The following ADAM19 variants were observed in gnomAD, a reference collection of about 807,000 sequenced individuals.
ADAM19 encodes the protein disintegrin and metalloproteinase domain-containing protein 19.
ADAM19 carries 65 observed loss-of-function variants against 114.7 expected under a neutral mutation model. That is an observed-to-expected ratio of 0.57 (90% CI 0.46 to 0.70). ADAM19 has a LOEUF of 0.70. Among genes scored for constraint, ADAM19 ranks in the 30% least tolerant of loss-of-function variants. The pLI is 0.00. For missense variants in ADAM19, 1,063 were observed against 1,204.7 expected (o/e 0.88, Z 1.74); for synonymous variants, 466 against 460.5 (o/e 1.01, Z -0.15).
At chr5:157,559,521 T>G (rs74715453) in intron 3 of ADAM19, among the ~76,000 whole-genome samples, 2,127 of 152,226 alleles carry the variant, frequency 0.014, 44 homozygotes, top group African/African-American at 0.048. Context: ...GTGCCCTCCT[T>G]TTGGGAAAAA....
intron 11 of ADAM19, among the ~76,000 whole-genome samples, chr5:157,504,279 CG>C (rs1321250321): frequency 6.6e-6 from 1 of 152,098 alleles, no homozygotes; most frequent in Non-Finnish European, 1.5e-5. Flanking sequence ...AGTCTTGCTC[CG>C]TTGCCCAGGC....
intron 8 of ADAM19, among the ~76,000 whole-genome samples, chr5:157,510,558 T>C (rs1755887399): frequency 1.3e-5 from 2 of 152,246 alleles, no homozygotes; most frequent in Non-Finnish European, 2.9e-5. Flanking sequence ...CTCATGTCTA[T>C]TGATAGTCAT....
chr5:157,479,566 G>C lies in ADAM19; in HGVS notation c.*1383C>G, dbSNP rs1210004894. 3 of 985,780 alleles carry C rather than the reference G, an allele frequency of 3.0e-6. No individual in the cohort carries two copies. The highest frequency in any genetic ancestry group is 6.1e-5 in the Admixed American group (1 of 16,264). The allele number at this position is 985,780 out of a possible 1,614,324, so 61.1% of individuals were successfully genotyped here. A position where few individuals can be genotyped will look rare whatever the true frequency, so the allele number is the denominator to read the frequency against. On this transcript the variant is annotated 3_prime_UTR_variant, in exon 23 of 23. Coordinates refer to ENST00000257527, the MANE Select transcript of ADAM19 (RefSeq NM_033274.5). Reference sequence around the variant, plus strand: ...AAGCACCACACGGCCCTCCTTCCCTGCTGCAGGGAAGACAGGAGCCACCGC... The same window carrying C: ...AAGCACCACACGGCCCTCCTTCCCTCCTGCAGGGAAGACAGGAGCCACCGC...
chr5:157,479,473 T>C lies in ADAM19; in HGVS notation c.*1476A>G. 1 of 985,860 alleles carries C rather than the reference T, an allele frequency of 1.0e-6. No homozygotes were observed. The highest frequency in any genetic ancestry group is 1.2e-6 in the Non-Finnish European group (1 of 829,980). 61.1% of individuals were successfully genotyped at this position (985,860 alleles called of 1,614,324 possible). A position where few individuals can be genotyped will look rare whatever the true frequency, so the allele number is the denominator to read the frequency against. On this transcript the variant is annotated 3_prime_UTR_variant, in exon 23 of 23. Transcript: ENST00000257527. ...CTGTCCGGAGAGCCACCCAGCACCTTTGTGGAGTGGGAGTCTATCTCCCAG... is the reference window on the plus strand; with the variant it reads ...CTGTCCGGAGAGCCACCCAGCACCTCTGTGGAGTGGGAGTCTATCTCCCAG...
intron 3 of ADAM19, among the ~76,000 whole-genome samples, chr5:157,541,617 CT>C (rs932719528): frequency 1.3e-5 from 2 of 152,164 alleles, no homozygotes; most frequent in Non-Finnish European, 2.9e-5. Context: ...CATTAGGTCA[CT>C]CTCTAGGGAA....
chr5:157,570,050 A>G (rs1223105450), intron 2 of ADAM19, among the ~76,000 whole-genome samples: 1 of 152,236 alleles, frequency 6.6e-6, no homozygotes, highest in Non-Finnish European at 1.5e-5. Flanking sequence ...ACTTGAGGTC[A>G]GGAGTTCGAG....
At chr5:157,569,786 C>T (rs1215917981) in intron 2 of ADAM19, among the ~76,000 whole-genome samples, 1 of 152,124 alleles carries the variant, frequency 6.6e-6, no homozygotes, top group African/African-American at 2.4e-5. Flanking sequence ...TCATTTTAAC[C>T]CAAAGAGATC....
chr5:157,503,097 C>T, intron 11 of ADAM19, 117 bp from the exon 12 acceptor site: 2 of 814,482 alleles, frequency 2.5e-6, no homozygotes, highest in South Asian at 3.4e-5. Flanking sequence ...GGTTCAGACC[C>T]CCATTGTCTC....
intron 5 of ADAM19, among the ~76,000 whole-genome samples, 189 bp from the exon 6 acceptor site, chr5:157,520,220 T>C (rs1199542445): frequency 6.6e-6 from 1 of 152,116 alleles, no homozygotes; most frequent in African/African-American, 2.4e-5. Flanking sequence ...TCTAGAGGAA[T>C]GCACTTATAC....
intron 14 of ADAM19, among the ~76,000 whole-genome samples, chr5:157,495,914 G>A (rs1393447632): frequency 3.3e-5 from 5 of 149,690 alleles, no homozygotes; most frequent in East Asian, 2.0e-4. Flanking sequence ...GATTACAGGC[G>A]TGAGCCACTG....
In ADAM19 at chr5:157,479,090, T is replaced by C. The variant is rs1754674580; in HGVS notation, c.*1859A>G. 1.0e-6 allele frequency: 1 copy of C among 985,436 alleles called. No individual in the cohort carries two copies. The highest frequency in any genetic ancestry group is 6.2e-5 in the Admixed American group (1 of 16,240). 61.0% of individuals were successfully genotyped at this position (985,436 alleles called of 1,614,324 possible). Reference sequence around the variant, plus strand: ...ATAAAAGGTTGGGCCACAGGAAAGGTGGGGAATGGATCTCCACAGCAAGGA... The same window carrying C: ...ATAAAAGGTTGGGCCACAGGAAAGGCGGGGAATGGATCTCCACAGCAAGGA... On this transcript the variant is annotated 3_prime_UTR_variant, in exon 23 of 23. Transcript: ENST00000257527.
chr5:157,479,982 C>T lies in ADAM19; in HGVS notation c.*967G>A, dbSNP rs1378363731. The T allele has an allele frequency of 6.1e-6, 6 of 985,778 alleles. No individual in the cohort carries two copies. In the East Asian group the frequency reaches 6.8e-4, roughly 112 times the overall value. The allele number at this position is 985,778 out of a possible 1,614,324, so 61.1% of individuals were successfully genotyped here. A position where few individuals can be genotyped will look rare whatever the true frequency, so the allele number is the denominator to read the frequency against. ...TGACCCCAATGGCCATGCCCCAAGT[C>T]TACTCTGGTCACACTCCTGAGAGCC... On this transcript the variant is annotated 3_prime_UTR_variant, in exon 23 of 23. Coordinates refer to ENST00000257527, the MANE Select transcript of ADAM19 (RefSeq NM_033274.5).
At chr5:157,481,039 C>T in intron 22 of ADAM19, 37 bp from the exon 23 acceptor site, 1 of 1,613,772 alleles carries the variant, frequency 6.2e-7, no homozygotes, top group South Asian at 1.1e-5. Flanking sequence ...GAGACATCAG[C>T]TTGATGCTGA....
chr5:157,509,831 A>G (rs1171019599), intron 8 of ADAM19, among the ~76,000 whole-genome samples: 1 of 152,222 alleles, frequency 6.6e-6, no homozygotes, highest in Non-Finnish European at 1.5e-5. Context: ...ATCATGTGGA[A>G]AAAGTTGTTC....
intron 13 of ADAM19, among the ~76,000 whole-genome samples, chr5:157,497,981 G>A (rs1303144208): frequency 2.0e-5 from 3 of 152,200 alleles, no homozygotes; most frequent in African/African-American, 7.2e-5. Context: ...TGTGTGGAGT[G>A]AAGGGGTCCA....
chr5:157,559,773 T>A (rs1411319353), intron 3 of ADAM19, among the ~76,000 whole-genome samples: 2 of 152,150 alleles, frequency 1.3e-5, no homozygotes, highest in Admixed American at 1.3e-4. Context: ...CTCTGTAGTT[T>A]CCCTTCTTGT....
At chr5:157,481,746 C>A in intron 22 of ADAM19, 45 bp downstream of exon 22, 1 of 1,553,672 alleles carries the variant, frequency 6.4e-7, no homozygotes, top group East Asian at 2.4e-5. Context: ...CCCCCTGGAG[C>A]CCTCTGGTAC....
At position 157,575,640 on chromosome 5, in the gene ADAM19, G is replaced by T; in HGVS notation, c.57C>A (p.Pro19=). 1 of 1,428,206 alleles carries T rather than the reference G, an allele frequency of 7.0e-7. No homozygotes were observed. Among genetic ancestry groups the T allele is most frequent in the South Asian group, 1.4e-5 (1 of 70,622 alleles). 88.5% of individuals were successfully genotyped at this position (1,428,206 alleles called of 1,614,324 possible). Residue 19 remains proline, a synonymous_variant, in exon 1 of 23, where the codon CCC becomes CCA. Transcript: ENST00000257527. ...RLCLLAFALQ[P]LRPRAAREPG... is the part of the protein sequence containing the mutation. ...GCTCCCGCGCCGCCCGCGGCCGGAG[G>T]GGCTGCAGGGCAAACGCCAGCAAGC...
At chr5:157,532,345 A>C (rs1223112316) in intron 4 of ADAM19, among the ~76,000 whole-genome samples, 1 of 152,248 alleles carries the variant, frequency 6.6e-6, no homozygotes, top group East Asian at 1.9e-4. Flanking sequence ...ACAAACCAAA[A>C]GAAGGGGCTT....
Sources: allele counts gnomAD v4.1 joint callset (sites outside exome capture counted in the v4.1 genomes callset), GRCh38; gene constraint gnomAD v4.1.1; transcripts MANE v1.5; gene names NCBI Gene and HGNC (gene_info 2026-07-23, HGNC 2026-07-21).